The following SAMD8 variants were observed in gnomAD, a reference collection of about 807,000 sequenced individuals.
SAMD8 encodes sphingomyelin synthase-related protein 1.
SAMD8 carries 20 observed loss-of-function variants against 42.0 expected under a neutral mutation model. That is an observed-to-expected ratio of 0.48 (90% CI 0.34 to 0.69). SAMD8 has a LOEUF of 0.69. Ranked by LOEUF, SAMD8 falls within the 30% of genes least tolerant of loss-of-function variation. The pLI is 0.01. For missense variants in SAMD8, 328 were observed against 511.6 expected (o/e 0.64, Z 3.46); for synonymous variants, 162 against 173.0 (o/e 0.94, Z 0.50).
chr10:75,132,186 G>C (rs1849288907), intron 1 of SAMD8, among the ~76,000 whole-genome samples: 2 of 152,198 alleles, frequency 1.3e-5, no homozygotes, highest in African/African-American at 4.8e-5. Flanking sequence ...CTGTGGCACT[G>C]ATGTTACGTT....
chr10:75,129,541 A>G lies in SAMD8; in HGVS notation c.-16+17819A>G, dbSNP rs1025100362. ...GTGTGAGCCACCGCACCCGGCCTGG[A>G]CTTCTTTAAAGTTAAAATGATTAGC... On this transcript the variant is annotated intron_variant, in intron 1 of 5. Transcript: ENST00000542569. Among the ~76,000 whole-genome samples the G allele has an allele frequency of 4.6e-5, 7 of 152,090 alleles. 1 individual carries two copies. Among genetic ancestry groups the G allele is most frequent in the African/African-American group, 1.7e-4 (7 of 41,432 alleles).
chr10:75,161,688 A>C (rs1840560823), intron 2 of SAMD8, among the ~76,000 whole-genome samples: 1 of 152,078 alleles, frequency 6.6e-6, no homozygotes, highest in Non-Finnish European at 1.5e-5. Context: ...AATTCAGAGA[A>C]AAAGAGCTTT....
At chr10:75,175,992 C>T in intron 4 of SAMD8, 74 bp from the exon 5 acceptor site, 1 of 1,538,010 alleles carries the variant, frequency 6.5e-7, no homozygotes, top group Admixed American at 2.1e-5. Context: ...ATTTGAATTT[C>T]AATAGGAATG....
intron 1 of SAMD8, among the ~76,000 whole-genome samples, chr10:75,121,168 C>G (rs1026813280): frequency 6.6e-6 from 1 of 152,076 alleles, no homozygotes; most frequent in Non-Finnish European, 1.5e-5. Flanking sequence ...CACAACAAGC[C>G]TATGAAGTAG....
chr10:75,148,692 C>T (rs988253089), intron 1 of SAMD8, among the ~76,000 whole-genome samples: 8 of 152,142 alleles, frequency 5.3e-5, no homozygotes, highest in Admixed American at 1.3e-4. Flanking sequence ...TAAGGAAGCA[C>T]AGAAAGTTTT....
In SAMD8 at chr10:75,176,515, A is replaced by G; in HGVS notation, c.1071A>G (p.Thr357=). Residue 357 remains threonine, a synonymous_variant, in exon 6 of 6, where the codon ACA becomes ACG. Transcript: ENST00000542569. This position sits in a 1 kb window ranked among gnomAD's most constrained non-coding sequence, Gnocchi z 4.3. ...IDVFIAFYIT[T]RLFLYYHTLA... ...TGTTTATTGCTTTTTATATAACAAC[A>G]AGACTCTTTTTGTACTACCATACTC... 1 of 1,550,726 alleles carries G rather than the reference A, an allele frequency of 6.4e-7. No individual in the cohort carries two copies. The highest frequency in any genetic ancestry group is 8.7e-7 in the Non-Finnish European group (1 of 1,147,006).
intron 1 of SAMD8, among the ~76,000 whole-genome samples, chr10:75,102,961 A>C (rs577426323): frequency 3.3e-5 from 5 of 152,008 alleles, no homozygotes; most frequent in African/African-American, 1.2e-4. Flanking sequence ...TCCAAAAAAA[A>C]CATTAGCTGG....
At chr10:75,130,121 C>T (rs546983186) in intron 1 of SAMD8, among the ~76,000 whole-genome samples, 5 of 151,704 alleles carry the variant, frequency 3.3e-5, no homozygotes, top group South Asian at 2.1e-4. Context: ...AACTGGATGC[C>T]GAAATATTTA....
intron 1 of SAMD8, among the ~76,000 whole-genome samples, chr10:75,116,340 G>C (rs998820924): frequency 8.6e-5 from 13 of 152,042 alleles, no homozygotes; most frequent in Non-Finnish European, 1.8e-4. Context: ...TCCTGGCCTC[G>C]AGCAGTCCTC....
At position 75,180,079 on chromosome 10, in the gene SAMD8, TAGAGAGTA is replaced by T. The variant is rs1334479753; in HGVS notation, c.*3392_*3399del. 1 of 151,394 alleles carries T rather than the reference TAGAGAGTA, an allele frequency of 6.6e-6. No individual in the cohort carries two copies. The highest frequency in any genetic ancestry group is 1.5e-5 in the Non-Finnish European group (1 of 67,934). 9.4% of individuals were successfully genotyped at this position (151,394 alleles called of 1,614,324 possible). A position where few individuals can be genotyped will look rare whatever the true frequency, so the allele number is the denominator to read the frequency against. ...TTATTGAAGGGTAATTGAAGAGTGG[TAGAGAGTA>T]AGAGGTTTTGAAGGAGGCAGGTTTG... On this transcript the variant is annotated 3_prime_UTR_variant, in exon 6 of 6. Transcript: ENST00000542569.
At chr10:75,160,449 G>A (rs940477155) in intron 2 of SAMD8, among the ~76,000 whole-genome samples, 3 of 151,178 alleles carry the variant, frequency 2.0e-5, no homozygotes, top group African/African-American at 7.3e-5. Context: ...CTTGTGATCC[G>A]CCCACCTTGG....
intron 1 of SAMD8, among the ~76,000 whole-genome samples, chr10:75,133,446 C>T (rs1322276369): frequency 1.3e-5 from 2 of 152,134 alleles, no homozygotes; most frequent in Non-Finnish European, 2.9e-5. Flanking sequence ...CCAGCAATCT[C>T]TCTATTGGAT....
At chr10:75,104,213 G>A (rs780140567) in intron 1 of SAMD8, 3 of 623,996 alleles carry the variant, frequency 4.8e-6, no homozygotes, top group Non-Finnish European at 7.3e-6. Flanking sequence ...CTTGAGCCCT[G>A]TGCATAAGGT....
rs528496452 is a variant in SAMD8 at position 75,180,950 on chromosome 10, C to A, written c.*4258C>A. The stretch of plus-strand genomic sequence containing the variant: ...TAAGCTTTTTTAAAGGATTCTAGAT[C>A]TAAATTGCCTAAGAATGTTAACCAC... On this transcript the variant is annotated 3_prime_UTR_variant, in exon 6 of 6. Transcript: ENST00000542569. 1 of 152,296 alleles carries A rather than the reference C, an allele frequency of 6.6e-6. No individual in the cohort carries two copies. 9.4% of individuals were successfully genotyped at this position (152,296 alleles called of 1,614,324 possible).
upstream of SAMD8, chr10:75,108,152 G>A (rs777018023): frequency 1.5e-5 from 24 of 1,612,810 alleles, no homozygotes; most frequent in South Asian, 1.2e-4. Flanking sequence ...TGTGGGCGGC[G>A]TTCAGCACGT....
At chr10:75,111,758 G>C (rs572536011) in intron 1 of SAMD8, 36 bp downstream of exon 1, 2 of 1,232,990 alleles carry the variant, frequency 1.6e-6, no homozygotes, top group African/African-American at 1.5e-5. Context: ...AGGGGAGCTT[G>C]GGGGGCGCCT....
rs558501514 is a variant in SAMD8, at chr10:75,131,478, A to C, written c.-15-19036A>C. ...GACTGAAGATATATAATATTAAGAAAAATTATAGGTTATTTTATATTAAAA... is the reference window on the plus strand; with the variant it reads ...GACTGAAGATATATAATATTAAGAACAATTATAGGTTATTTTATATTAAAA... On this transcript the variant is annotated intron_variant, in intron 1 of 5. Transcript: ENST00000542569. 1.7e-3 allele frequency among the ~76,000 whole-genome samples: 259 copies of C among 152,250 alleles called. 2 individuals carry two copies. Among genetic ancestry groups the C allele is most frequent in the Non-Finnish European group, 3.4e-3 (229 of 68,014 alleles).
At chr10:75,129,644 GA>G (rs1467906216) in intron 1 of SAMD8, among the ~76,000 whole-genome samples, 1 of 152,146 alleles carries the variant, frequency 6.6e-6, no homozygotes, top group Non-Finnish European at 1.5e-5. Context: ...AGGGACAGTA[GA>G]AAATGGTTTG....
chr10:75,163,066 A>G (rs1451457594), intron 2 of SAMD8, among the ~76,000 whole-genome samples: 2 of 151,932 alleles, frequency 1.3e-5, no homozygotes, highest in Non-Finnish European at 2.9e-5. Flanking sequence ...CTGTGACTAC[A>G]TGTGCCTGCC....
Sources: gnomAD v4.1 joint callset for allele counts (sites outside exome capture counted in the v4.1 genomes callset) on GRCh38, gnomAD v4.1.1 for gene constraint, Gnocchi (gnomAD v3.1) non-coding constraint, MANE v1.5 for transcripts, NCBI Gene and HGNC (gene_info 2026-07-23, HGNC 2026-07-21) for gene names.